Variants in ADAM12 observed in about 807,000 individuals in gnomAD.
ADAM12 encodes the protein disintegrin and metalloproteinase domain-containing protein 12.
ADAM12 carries 70 observed loss-of-function variants against 106.4 expected under a neutral mutation model. The ratio of observed to expected loss-of-function variants is 0.66; its 90% CI spans 0.54 to 0.80. The LOEUF (loss-of-function observed/expected upper bound fraction) is 0.80. Among genes scored for constraint, ADAM12 ranks in the 30% least tolerant of loss-of-function variants. The pLI is 0.00. For synonymous variants in ADAM12, 420 were observed against 433.5 expected, an observed-to-expected ratio of 0.97 and a Z score of 0.39; for missense variants, 1,010 against 1,171.9, an observed-to-expected ratio of 0.86 and a Z score of 2.02.
rs1396886386 is a variant in ADAM12, at chr10:126,338,443, G to A, written c.89-7934C>T. On this transcript the variant is annotated intron_variant, in intron 1 of 22. Transcript: ENST00000448723. ...AATTTTTTGTATTTTTAGTAGAGAC[G>A]GGGTTTCACCGTTTTAGCCGGGATG... is the stretch of plus-strand genomic sequence containing the variant. Among the ~76,000 whole-genome samples the A allele has an allele frequency of 2.0e-5, 3 of 151,396 alleles. No individual in the cohort carries two copies. In the East Asian group the frequency reaches 5.8e-4, roughly 29 times the overall value.
At chr10:126,303,084 AT>A (rs1960693362) in intron 2 of ADAM12, among the ~76,000 whole-genome samples, 1 of 152,204 alleles carries the variant, frequency 6.6e-6, no homozygotes, top group Non-Finnish European at 1.5e-5. Context: ...TGATTTGATC[AT>A]TTTTGATATT....
chr10:126,385,496 A>T (rs1408577323), intron 1 of ADAM12, among the ~76,000 whole-genome samples: 1 of 152,214 alleles, frequency 6.6e-6, no homozygotes, highest in South Asian at 2.1e-4. Context: ...TTATATCACA[A>T]TATCACAGCT....
intron 3 of ADAM12, among the ~76,000 whole-genome samples, chr10:126,266,881 A>G (rs571410943): frequency 5.3e-5 from 8 of 152,158 alleles, no homozygotes; most frequent in Non-Finnish European, 1.2e-4. Flanking sequence ...GGATGCCGCT[A>G]AACCACGCAG....
intron 6 of ADAM12, 82 bp downstream of exon 6, chr10:126,117,956 T>C: frequency 6.7e-7 from 1 of 1,486,138 alleles, no homozygotes; most frequent in Non-Finnish European, 9.3e-7. Context: ...GATGGCAACA[T>C]TTCTCCAGAT....
chr10:126,274,663 T>C (rs1159946567), intron 3 of ADAM12, among the ~76,000 whole-genome samples: 2 of 152,188 alleles, frequency 1.3e-5, no homozygotes, highest in African/African-American at 4.8e-5. Flanking sequence ...TTCATCGAGA[T>C]GGTCCATGAA....
At chr10:126,329,641 T>A (rs1854431069) in intron 2 of ADAM12, among the ~76,000 whole-genome samples, 1 of 152,190 alleles carries the variant, frequency 6.6e-6, no homozygotes, top group African/African-American at 2.4e-5. Flanking sequence ...TAGATGGAAA[T>A]CACCTTATCA....
intron 2 of ADAM12, among the ~76,000 whole-genome samples, chr10:126,288,660 C>T (rs907816353): frequency 3.8e-4 from 57 of 151,402 alleles, no homozygotes; most frequent in African/African-American, 1.4e-3. Context: ...ACATGGTGGC[C>T]CTAAGGACAG....
intron 2 of ADAM12, among the ~76,000 whole-genome samples, chr10:126,305,798 C>T (rs1325114060): frequency 1.3e-5 from 2 of 151,968 alleles, no homozygotes; most frequent in Non-Finnish European, 2.9e-5. Flanking sequence ...GGCTAGTAGA[C>T]TCATTTTATT....
chr10:126,079,278 T>C (rs367678967), intron 11 of ADAM12, among the ~76,000 whole-genome samples: 1 of 152,114 alleles, frequency 6.6e-6, no homozygotes, highest in Non-Finnish European at 1.5e-5. Flanking sequence ...ACTGCAGAAC[T>C]TCCCCCCACC....
intron 2 of ADAM12, among the ~76,000 whole-genome samples, chr10:126,318,198 A>AAC (rs969676561): frequency 1.1e-4 from 16 of 151,942 alleles, no homozygotes; most frequent in East Asian, 9.7e-4. Context: ...GAAGTGCTAG[A>AAC]ACACACACAC....
chr10:126,127,618 T>TTCTGGGTGTTAGACCTATA (rs1956227343), intron 5 of ADAM12, among the ~76,000 whole-genome samples: 1 of 152,136 alleles, frequency 6.6e-6, no homozygotes, highest in Non-Finnish European at 1.5e-5. Flanking sequence ...TGCAGGCACC[T>TTCTGGGTGTTAGACCTATA]CGTAGAATGA....
chr10:126,261,544 G>A (rs898308633), intron 3 of ADAM12, among the ~76,000 whole-genome samples: 1 of 152,094 alleles, frequency 6.6e-6, no homozygotes, highest in Non-Finnish European at 1.5e-5. Context: ...TATCCTTTGC[G>A]ACTGTGTAAA....
In ADAM12 at chr10:126,015,411, C is replaced by CAATT; in HGVS notation, c.*1864_*1867dup. ...AGTATATATATGTTTGGCTTTAGTA[C>CAATT]AATTACCAAGTGTAATCAGTTACAG... On this transcript the variant is annotated 3_prime_UTR_variant, in exon 23 of 23. Transcript: ENST00000448723. 1 of 152,156 alleles carries CAATT rather than the reference C, an allele frequency of 6.6e-6. No individual in the cohort carries two copies. 9.4% of individuals were successfully genotyped at this position (152,156 alleles called of 1,614,324 possible).
At chr10:126,155,399 A>G in intron 3 of ADAM12, 94 bp from the exon 4 acceptor site, 8 of 1,110,892 alleles carry the variant, frequency 7.2e-6, no homozygotes, top group South Asian at 3.1e-5. Flanking sequence ...CAAGATTGTG[A>G]CCTCCTTTTT....
chr10:126,338,607 T>A (rs529437161), intron 1 of ADAM12, among the ~76,000 whole-genome samples: 3 of 152,314 alleles, frequency 2.0e-5, no homozygotes, highest in Non-Finnish European at 4.4e-5. Flanking sequence ...TCCCATTTTA[T>A]ACACTGTGAG....
At chr10:126,379,457 C>T (rs1418642128) in intron 1 of ADAM12, among the ~76,000 whole-genome samples, 15 of 152,050 alleles carry the variant, frequency 9.9e-5, no homozygotes, top group Admixed American at 9.2e-4. Flanking sequence ...AACCAAACAC[C>T]GCATGTTCTC....
chr10:126,144,615 A>G (rs1590494373), intron 4 of ADAM12, among the ~76,000 whole-genome samples: 1 of 152,124 alleles, frequency 6.6e-6, no homozygotes, highest in Non-Finnish European at 1.5e-5. Flanking sequence ...GAAAATGCAC[A>G]CGGGGGGGTT....
chr10:126,159,469 A>T (rs867251065), intron 3 of ADAM12, among the ~76,000 whole-genome samples: 3 of 152,188 alleles, frequency 2.0e-5, no homozygotes, highest in Non-Finnish European at 4.4e-5. Context: ...TATTTTAGCA[A>T]TTCAGGTCTT....
chr10:126,201,530 C>T (rs1957701116), intron 3 of ADAM12, among the ~76,000 whole-genome samples: 1 of 152,144 alleles, frequency 6.6e-6, no homozygotes, highest in Admixed American at 6.5e-5. Flanking sequence ...CCAGAAGTCA[C>T]AAGTCCTGGA....
Sources: gnomAD v4.1 joint callset for allele counts (sites outside exome capture counted in the v4.1 genomes callset) on GRCh38, gnomAD v4.1.1 for gene constraint, MANE v1.5 for transcripts, NCBI Gene and HGNC (gene_info 2026-07-23, HGNC 2026-07-21) for gene names.